CSMD1: variants seen among roughly 807,000 people sequenced by gnomAD.
CSMD1 encodes CUB and sushi domain-containing protein 1.
CSMD1 carries 213 observed loss-of-function variants against 417.5 expected under a neutral mutation model. The observed-to-expected ratio is 0.51, with a 90% CI of 0.46 to 0.57. CSMD1 has a LOEUF of 0.57. Among genes scored for constraint, CSMD1 ranks in the 20% least tolerant of loss-of-function variants. CSMD1 has a pLI of 0.00. For missense variants in CSMD1, 6,923 were observed against 4,529.7 expected (o/e 1.53, Z -15.17); for synonymous variants, 2,862 against 1,736.8 (o/e 1.65, Z -16.11).
At chr8:4,317,256 C>T (rs1194486987) in intron 3 of CSMD1, among the ~76,000 whole-genome samples, 1 of 151,630 alleles carries the variant, frequency 6.6e-6, no homozygotes, top group Non-Finnish European at 1.5e-5. Context: ...CTTTTTTTTA[C>T]TATGTATGAT....
intron 5 of CSMD1, among the ~76,000 whole-genome samples, chr8:3,867,260 G>A (rs985930356): frequency 6.6e-6 from 1 of 152,098 alleles, no homozygotes; most frequent in Non-Finnish European, 1.5e-5. Context: ...TAAGAAGCAA[G>A]ACCATACCAT....
chr8:3,559,203 T>A (rs1161694313), intron 10 of CSMD1, among the ~76,000 whole-genome samples: 1 of 152,204 alleles, frequency 6.6e-6, no homozygotes, highest in East Asian at 1.9e-4. Context: ...GGGCAATAAG[T>A]ATCAATATTT....
intron 49 of CSMD1, among the ~76,000 whole-genome samples, chr8:3,067,754 T>A (rs1183363915): frequency 6.6e-6 from 1 of 151,824 alleles, no homozygotes; most frequent in Non-Finnish European, 1.5e-5. Flanking sequence ...ATATTAATGT[T>A]TAATAATAAT....
At chr8:4,909,116 G>C (rs1428820394) in intron 1 of CSMD1, among the ~76,000 whole-genome samples, 1 of 152,156 alleles carries the variant, frequency 6.6e-6, no homozygotes, top group East Asian at 1.9e-4. Context: ...GTAGGTGTAG[G>C]TGTCAGAGGA....
intron 5 of CSMD1, among the ~76,000 whole-genome samples, chr8:3,758,405 G>A (rs767041980): frequency 2.6e-5 from 4 of 152,142 alleles, no homozygotes; most frequent in Non-Finnish European, 4.4e-5. Context: ...GACCTTTTGC[G>A]TTAAACAAAT....
chr8:2,955,696 T>C lies in CSMD1; in HGVS notation c.9887A>G (p.Tyr3296Cys). The C allele has an allele frequency of 6.2e-7, 1 of 1,613,964 alleles. No homozygotes were observed. The highest frequency in any genetic ancestry group is 8.5e-7 in the Non-Finnish European group (1 of 1,179,826). ...VRAIDLPTFG[Y>C]TLVYTCHPGF... ...TGGATGGCAGGTGTACACTAAGGTG[T>C]AGCCGAAAGTAGGAAGATCGATGGC... Residue 3296 changes from tyrosine (Y) to cysteine (C), a missense_variant, in exon 64 of 70, where the codon TAC becomes TGC. Physicochemically the swap from Tyr to Cys is radical, Grantham distance 194. Transcript: ENST00000635120.
chr8:3,708,223 CA>C (rs1170004715), intron 7 of CSMD1, among the ~76,000 whole-genome samples, 190 bp downstream of exon 7: 9 of 152,256 alleles, frequency 5.9e-5, no homozygotes, highest in African/African-American at 1.9e-4. Context: ...GAGTTAGAAC[CA>C]CCACGACATT....
At chr8:4,649,450 T>A (rs956462925) in intron 1 of CSMD1, among the ~76,000 whole-genome samples, 2 of 152,196 alleles carry the variant, frequency 1.3e-5, no homozygotes, top group East Asian at 1.9e-4. Context: ...GCTTGAGTGA[T>A]TTTTTCCAAA....
At chr8:3,989,131 G>C (rs922149091) in intron 5 of CSMD1, among the ~76,000 whole-genome samples, 10 of 152,170 alleles carry the variant, frequency 6.6e-5, no homozygotes, top group African/African-American at 2.4e-4. Context: ...ATTGCTATGT[G>C]GGGCGGGCAT....
chr8:4,355,785 T>A (rs1022632183), intron 3 of CSMD1, among the ~76,000 whole-genome samples: 8 of 152,138 alleles, frequency 5.3e-5, no homozygotes, highest in African/African-American at 1.9e-4. Context: ...ATGGGTAACA[T>A]GTGCTACTAA....
chr8:3,543,638 G>GA (rs113548867), intron 10 of CSMD1, among the ~76,000 whole-genome samples: 4,263 of 144,280 alleles, frequency 0.03, 130 homozygotes, highest in African/African-American at 0.077. Context: ...CTAAATAACT[G>GA]AAAAAAAAAA....
chr8:3,077,047 T>C (rs1293363059), intron 49 of CSMD1, among the ~76,000 whole-genome samples: 1 of 152,166 alleles, frequency 6.6e-6, no homozygotes, highest in East Asian at 1.9e-4. Context: ...TTCCATCCTA[T>C]ATCCATGTGT....
chr8:4,471,069 G>A (rs1051428775), intron 2 of CSMD1, among the ~76,000 whole-genome samples: 2 of 152,096 alleles, frequency 1.3e-5, no homozygotes, highest in African/African-American at 4.8e-5. Context: ...TAATAAATCA[G>A]TTAAAATCTT....
intron 5 of CSMD1, among the ~76,000 whole-genome samples, chr8:3,819,895 C>G (rs548837873): frequency 9.9e-5 from 15 of 152,136 alleles, no homozygotes; most frequent in Non-Finnish European, 1.0e-4. Context: ...ATCCAGAGTG[C>G]TATAATAGAG....
chr8:4,550,339 A>G (rs890962672), intron 2 of CSMD1, among the ~76,000 whole-genome samples: 1 of 151,528 alleles, frequency 6.6e-6, no homozygotes, highest in Non-Finnish European at 1.5e-5. Flanking sequence ...GCACACACAC[A>G]CACACACACA....
At chr8:4,540,120 A>G (rs1009289100) in intron 2 of CSMD1, among the ~76,000 whole-genome samples, 6 of 152,206 alleles carry the variant, frequency 3.9e-5, no homozygotes, top group African/African-American at 7.2e-5. Flanking sequence ...CTATGAATAT[A>G]TAAACACCGA....
chr8:4,327,892 T>C (rs1378219675), intron 3 of CSMD1, among the ~76,000 whole-genome samples: 1 of 152,220 alleles, frequency 6.6e-6, no homozygotes, highest in Non-Finnish European at 1.5e-5. Flanking sequence ...TCTTTCCTTT[T>C]GCTTCCAGGT....
chr8:3,519,818 C>T (rs1377008832), intron 10 of CSMD1, among the ~76,000 whole-genome samples: 1 of 151,998 alleles, frequency 6.6e-6, no homozygotes. Context: ...ATTACTGTTA[C>T]CTCTTCTTAC....
chr8:4,848,722 A>G (rs1801291920), intron 1 of CSMD1, among the ~76,000 whole-genome samples: 1 of 151,948 alleles, frequency 6.6e-6, no homozygotes, highest in South Asian at 2.1e-4. Context: ...GTATATTTTT[A>G]TAGTAGGGAC....
Sources: allele counts gnomAD v4.1 joint callset (sites outside exome capture counted in the v4.1 genomes callset), GRCh38; gene constraint gnomAD v4.1.1; transcripts MANE v1.5; gene names NCBI Gene and HGNC (gene_info 2026-07-23, HGNC 2026-07-21).